OR2T1: variants seen among roughly 807,000 people sequenced by gnomAD.
OR2T1 encodes the protein olfactory receptor family 2 subfamily T member 1.
For missense variants in OR2T1, 440 were observed against 390.2 expected (o/e 1.13, Z -1.07); for synonymous variants, 186 against 145.4 (o/e 1.28, Z -2.01).
Position 248,406,903 on chromosome 1 carries a change from G to A in OR2T1, c.756G>A (p.Gly252=). The change falls in exon 2 of 2, where the codon GGG becomes GGA. Residue 252 remains glycine (G), a synonymous_variant. Coordinates refer to ENST00000642005, the MANE Select transcript of OR2T1 (RefSeq NM_030904.2). ...SHMTVVSLFY[G]AAMYTYMLPH... ...TGACTGTGGTGTCCTTGTTCTACGG[G>A]GCTGCCATGTACACCTACATGCTGC... 1 of 1,614,064 alleles carries A rather than the reference G, an allele frequency of 6.2e-7. No individual in the cohort carries two copies. The highest frequency in any genetic ancestry group is 1.1e-5 in the South Asian group (1 of 91,068).
In OR2T1 at chr1:248,406,362, A is replaced by G. The variant is rs148087315; in HGVS notation, c.215A>G (p.Tyr72Cys). 2.4e-5 allele frequency: 39 copies of G among 1,614,008 alleles called. No individual in the cohort carries two copies. Among genetic ancestry groups the G allele is most frequent in the Non-Finnish European group, 3.1e-5 (37 of 1,180,018 alleles). Reference protein sequence around the residue: ...LSHLSLIDMMYISTIVPKMLV... With the variant: ...LSHLSLIDMMCISTIVPKMLV... ...CACCTTTCCTTAATTGACATGATGT[A>G]TATTTCCACTATTGTGCCTAAGATG... Residue 72 changes from tyrosine to cysteine, a missense_variant, in exon 2 of 2, where the codon TAT (tyrosine) becomes TGT (cysteine). By Grantham distance (194) the Tyr-to-Cys change is radical. Coordinates refer to ENST00000642005, the MANE Select transcript of OR2T1 (RefSeq NM_030904.2).
chr1:248,406,380 C>G lies in OR2T1; in HGVS notation c.233C>G (p.Pro78Arg). Reference protein sequence around the residue: ...IDMMYISTIVPKMLVNYLLDQ... With the variant: ...IDMMYISTIVRKMLVNYLLDQ... ...ATGATGTATATTTCCACTATTGTGC[C>G]TAAGATGCTGGTTAATTACCTGCTG... is the stretch of plus-strand genomic sequence containing the variant. The change falls in exon 2 of 2, where the codon CCT becomes CGT. Residue 78 changes from proline to arginine, a missense_variant. Physicochemically the swap from Pro to Arg is moderately radical, Grantham distance 103. Transcript: ENST00000642005. 1 of 1,614,128 alleles carries G rather than the reference C, an allele frequency of 6.2e-7. No homozygotes were observed. Among genetic ancestry groups the G allele is most frequent in the South Asian group, 1.1e-5 (1 of 91,078 alleles).
At position 248,407,107 on chromosome 1, in the gene OR2T1, G is replaced by T. The variant is rs368886446; in HGVS notation, c.*3G>T. ...GGGTGTCAGGAGGTGTCTTTTGACA[G>T]TCGACTCCTTCCCATGCATATGGTA... On this transcript the variant is annotated 3_prime_UTR_variant, in exon 2 of 2. Transcript: ENST00000642005. 3.5e-5 allele frequency: 55 copies of T among 1,565,826 alleles called. No individual in the cohort carries two copies. In the African/African-American group the frequency reaches 6.0e-4, roughly 17 times the overall value.
At position 248,405,396 on chromosome 1, in the gene OR2T1, T is replaced by C. The variant is rs575155878; in HGVS notation, c.-33-719T>C. Among the ~76,000 whole-genome samples, 14 of 152,330 alleles carry C rather than the reference T, an allele frequency of 9.2e-5. No individual in the cohort carries two copies. The South Asian group carries it at 2.9e-3, about 32-fold the overall frequency. The stretch of plus-strand genomic sequence containing the variant: ...TCCTCTGAATATTAATTGCTAATAC[T>C]GATTTCTAATGGTCATGCTAATCAT... On this transcript the variant is annotated intron_variant, in intron 1 of 1. Coordinates refer to ENST00000642005, the MANE Select transcript of OR2T1 (RefSeq NM_030904.2).
In OR2T1 at chr1:248,406,906, T is replaced by A. The variant is rs1351710143; in HGVS notation, c.759T>A (p.Ala253=). ...HMTVVSLFYG[A]AMYTYMLPHS... is the part of the protein sequence containing the mutation. ...CTGTGGTGTCCTTGTTCTACGGGGC[T>A]GCCATGTACACCTACATGCTGCCAC... The change falls in exon 2 of 2, where the codon GCT becomes GCA. Residue 253 remains alanine, a synonymous_variant. Coordinates refer to ENST00000642005, the MANE Select transcript of OR2T1 (RefSeq NM_030904.2). 1.2e-6 allele frequency: 2 copies of A among 1,613,992 alleles called. No individual in the cohort carries two copies. Among genetic ancestry groups the A allele is most frequent in the East Asian group, 4.5e-5 (2 of 44,900 alleles).
rs143926503 is a variant in OR2T1, at chr1:248,407,110, G to T, written c.*6G>T. 5 of 1,561,524 alleles carry T rather than the reference G, an allele frequency of 3.2e-6. No homozygotes were observed. The highest frequency in any genetic ancestry group is 4.3e-6 in the Non-Finnish European group (5 of 1,156,226). ...TGTCAGGAGGTGTCTTTTGACAGTC[G>T]ACTCCTTCCCATGCATATGGTAAAT... On this transcript the variant is annotated 3_prime_UTR_variant, in exon 2 of 2. Coordinates refer to ENST00000642005, the MANE Select transcript of OR2T1 (RefSeq NM_030904.2).
At chr1:248,404,823 T>C (rs989452122) in intron 1 of OR2T1, among the ~76,000 whole-genome samples, 2 of 152,082 alleles carry the variant, frequency 1.3e-5, no homozygotes, top group African/African-American at 2.4e-5. Flanking sequence ...CACAATGCCA[T>C]GTGTATGAAT....
At position 248,407,272 on chromosome 1, in the gene OR2T1, T is replaced by C; in HGVS notation, c.*168T>C. ...TCCATAGTTATGATGTTGTGGTTTT[T>C]TAGGCCTCAGAAAACTGAATCTCTC... On this transcript the variant is annotated 3_prime_UTR_variant, in exon 2 of 2. Coordinates refer to ENST00000642005, the MANE Select transcript of OR2T1 (RefSeq NM_030904.2). 2 of 505,916 alleles carry C rather than the reference T, an allele frequency of 4.0e-6. No homozygotes were observed. Among genetic ancestry groups the C allele is most frequent in the Non-Finnish European group, 6.6e-6 (2 of 303,820 alleles). 31.3% of individuals were successfully genotyped at this position (505,916 alleles called of 1,614,324 possible). A position where few individuals can be genotyped will look rare whatever the true frequency, so the allele number is the denominator to read the frequency against.
chr1:248,406,718 A>G lies in OR2T1; in HGVS notation c.571A>G (p.Thr191Ala). 1 of 1,614,126 alleles carries G rather than the reference A, an allele frequency of 6.2e-7. No homozygotes were observed. Among genetic ancestry groups the G allele is most frequent in the Non-Finnish European group, 8.5e-7 (1 of 1,180,004 alleles). ...AGTCCTGAAGTTGGCATGTGCAGACACAGCCCTCTACGAGACAGTGATGTA... is the reference window on the plus strand; with the variant it reads ...AGTCCTGAAGTTGGCATGTGCAGACGCAGCCCTCTACGAGACAGTGATGTA... ...PAVLKLACAD[T>A]ALYETVMYVC... The change falls in exon 2 of 2, where the codon ACA (threonine) becomes GCA (alanine). Residue 191 changes from threonine to alanine, a missense_variant. By Grantham distance (58) the Thr-to-Ala change is moderately conservative (BLOSUM62 0). Transcript: ENST00000642005.
Position 248,406,876 on chromosome 1 carries a change from C to T in OR2T1, c.729C>T (p.His243=). The T allele has an allele frequency of 1.9e-6, 3 of 1,614,150 alleles. No homozygotes were observed. Among genetic ancestry groups the T allele is most frequent in the Non-Finnish European group, 2.5e-6 (3 of 1,179,998 alleles). The part of the protein sequence containing the change: ...RKKAFATCSS[H]MTVVSLFYGA... ...AGGCATTTGCCACTTGCTCATCCCA[C>T]ATGACTGTGGTGTCCTTGTTCTACG... The change falls in exon 2 of 2, where the codon CAC becomes CAT. Residue 243 remains histidine, a synonymous_variant. Transcript: ENST00000642005.
rs541388044 is a variant in OR2T1 at position 248,406,533 on chromosome 1, T to C, written c.386T>C (p.Leu129Pro). The change falls in exon 2 of 2, where the codon CTG becomes CCG. Residue 129 changes from leucine to proline, a missense_variant. Leu to Pro is a moderately conservative substitution (Grantham distance 98). Transcript: ENST00000642005. ...YDRYVAICNP[L>P]RYPVLMSRRV... is the part of the protein sequence containing the mutation. ...CGCTATGTGGCCATTTGCAACCCTC[T>C]GAGATACCCTGTCCTCATGAGCCGC... The C allele has an allele frequency of 2.7e-5, 43 of 1,614,172 alleles. No homozygotes were observed. In the East Asian group the frequency reaches 9.1e-4, roughly 34 times the overall value.
chr1:248,405,874 G>A (rs752418076), intron 1 of OR2T1: 124 of 810,292 alleles, frequency 1.5e-4, no homozygotes, highest in Middle Eastern at 7.2e-4. Flanking sequence ...GCACATCATC[G>A]TAATACAGTA....
intron 1 of OR2T1, among the ~76,000 whole-genome samples, chr1:248,405,541 G>A (rs1365901866): frequency 3.9e-5 from 6 of 152,138 alleles, no homozygotes; most frequent in Admixed American, 3.3e-4. Flanking sequence ...AGTTTCCGTT[G>A]AGTTTCTGTT....
At chr1:248,403,507 GAATT>G (rs1661470936) in intron 1 of OR2T1, among the ~76,000 whole-genome samples, 1 of 152,090 alleles carries the variant, frequency 6.6e-6, no homozygotes, top group African/African-American at 2.4e-5. Flanking sequence ...CAAGGTCACA[GAATT>G]AATTAATGTC....
At position 248,406,980 on chromosome 1, in the gene OR2T1, C is replaced by T. The variant is rs752461348; in HGVS notation, c.833C>T (p.Thr278Ile). ...AQDKVLSVFY[T>I]ILTPMLNPLI... ...GACAAAGTCCTCTCTGTGTTTTACA[C>T]CATTCTCACACCCATGCTGAACCCC... Residue 278 changes from threonine to isoleucine, a missense_variant, in exon 2 of 2, where the codon ACC (threonine) becomes ATC (isoleucine). By Grantham distance (89) the Thr-to-Ile change is moderately conservative. Transcript: ENST00000642005. The T allele has an allele frequency of 6.2e-7, 1 of 1,614,112 alleles. No individual in the cohort carries two copies. The highest frequency in any genetic ancestry group is 1.7e-5 in the Admixed American group (1 of 60,014).
rs768991438 is a variant in OR2T1 at position 248,406,645 on chromosome 1, C to G, written c.498C>G (p.Pro166=). ...FLLTPITMSF[P]FCNSREINHF... ...TAACCCCCATCACCATGAGCTTTCC[C>G]TTCTGCAATTCCCGGGAGATTAACC... The change falls in exon 2 of 2, where the codon CCC becomes CCG. Residue 166 remains proline, a synonymous_variant. Transcript: ENST00000642005. 1 of 1,614,156 alleles carries G rather than the reference C, an allele frequency of 6.2e-7. No homozygotes were observed. The highest frequency in any genetic ancestry group is 1.1e-5 in the South Asian group (1 of 91,080).
chr1:248,404,245 G>GGCTGCTATTACATATACATGTGTGTGTAT, intron 1 of OR2T1, among the ~76,000 whole-genome samples: 1 of 150,970 alleles, frequency 6.6e-6, no homozygotes, highest in African/African-American at 2.4e-5. Context: ...AGACAGCAGA[G>GGCTGCTATTACATATACATGTGTGTGTAT]ACCACTGTTT....
Position 248,407,028 on chromosome 1 carries a change from A to G in OR2T1, c.881A>G (p.Lys294Arg), listed in dbSNP as rs1351811553. Residue 294 changes from lysine (K) to arginine (R), a missense_variant, in exon 2 of 2, where the codon AAG (lysine) becomes AGG (arginine). Coordinates refer to ENST00000642005, the MANE Select transcript of OR2T1 (RefSeq NM_030904.2). ...CCCCTCATCTACAGCCTTAGAAACA[A>G]GGATGTGACTGGAGCTCTGAAGAGG... ...LNPLIYSLRN[K>R]DVTGALKRAL... The G allele has an allele frequency of 1.9e-6, 3 of 1,613,876 alleles. No individual in the cohort carries two copies. Among genetic ancestry groups the G allele is most frequent in the Non-Finnish European group, 2.5e-6 (3 of 1,179,940 alleles).
rs1661567677 is a variant in OR2T1 at position 248,406,686 on chromosome 1, CA to C, written c.540del (p.Pro181GlnfsTer4). 3.1e-6 allele frequency: 5 copies of C among 1,614,094 alleles called. No individual in the cohort carries two copies. In the Middle Eastern group the frequency reaches 5.0e-4, roughly 160 times the overall value. On this transcript the variant is annotated frameshift_variant, in exon 2 of 2. Coordinates refer to ENST00000642005, the MANE Select transcript of OR2T1 (RefSeq NM_030904.2). LOFTEE classifies it low-confidence loss of function (END_TRUNC). ...GAGATTAACCACTTCTTCTGTGAGG[CA>C]CCAGCAGTCCTGAAGTTGGCATGTG... ...SREINHFFCE[A>X]PAVLKLACAD...
Sources: gnomAD v4.1 joint callset for allele counts (sites outside exome capture counted in the v4.1 genomes callset) on GRCh38, gnomAD v4.1.1 for gene constraint, MANE v1.5 for transcripts, NCBI Gene and HGNC (gene_info 2026-07-23, HGNC 2026-07-21) for gene names.